Variants in SMARCA5 observed in about 807,000 individuals in gnomAD.
SMARCA5 encodes the protein SWI/SNF-related matrix-associated actin-dependent regulator of chromatin subfamily A member 5.
Under a neutral mutation model 140.4 loss-of-function variants are expected in SMARCA5, and 18 were observed. That is an observed-to-expected ratio of 0.13 (90% CI 0.09 to 0.19). The LOEUF is 0.19. Ranked by LOEUF, SMARCA5 falls within the 10% of genes least tolerant of loss-of-function variation. The pLI, the probability that SMARCA5 is intolerant of heterozygous loss-of-function variation, is 1.00. For missense variants in SMARCA5, 606 were observed against 1,276.8 expected (o/e 0.47, Z 8.01); for synonymous variants, 449 against 419.6 (o/e 1.07, Z -0.86).
At chr4:143,537,629 G>A (rs576380856) in intron 11 of SMARCA5, among the ~76,000 whole-genome samples, 39 of 152,164 alleles carry the variant, frequency 2.6e-4, no homozygotes, top group Admixed American at 2.3e-3. Context: ...AACTCTGCAG[G>A]GAAAATGGAG....
chr4:143,556,668 G>T lies in SMARCA5; in HGVS notation c.*3484G>T, dbSNP rs1194266370. 2.0e-5 allele frequency: 3 copies of T among 152,144 alleles called. No homozygotes were observed. The highest frequency in any genetic ancestry group is 7.2e-5 in the African/African-American group (3 of 41,422). 9.4% of individuals were successfully genotyped at this position (152,144 alleles called of 1,614,324 possible). A position where few individuals can be genotyped will look rare whatever the true frequency, so the allele number is the denominator to read the frequency against. On this transcript the variant is annotated 3_prime_UTR_variant, in exon 24 of 24. Coordinates refer to ENST00000283131, the MANE Select transcript of SMARCA5 (RefSeq NM_003601.4). ...CTGTTACCAAAATGTATCTTTGCCT[G>T]TTGGAATCTGATGTCAAGATCAAAG... is the stretch of plus-strand genomic sequence containing the variant.
intron 9 of SMARCA5, among the ~76,000 whole-genome samples, chr4:143,533,444 A>G (rs557435826): frequency 9.2e-5 from 14 of 151,554 alleles, no homozygotes; most frequent in Admixed American, 9.2e-4. Context: ...CTAAGTTAGT[A>G]CATTAAGTTT....
chr4:143,515,033 C>T (rs1736798739), intron 1 of SMARCA5, among the ~76,000 whole-genome samples: 1 of 152,136 alleles, frequency 6.6e-6, no homozygotes, highest in Non-Finnish European at 1.5e-5. Flanking sequence ...ATTGCTCCTT[C>T]CAATTTTTAT....
rs756259839 is a variant in SMARCA5 at position 143,517,450 on chromosome 4, TAG to T, written c.252+24_252+25del. 19 of 1,512,174 alleles carry T rather than the reference TAG, an allele frequency of 1.3e-5. 1 individual carries two copies. In the South Asian group the frequency reaches 2.3e-4, roughly 18 times the overall value. 93.7% of individuals were successfully genotyped at this position (1,512,174 alleles called of 1,614,324 possible). On this transcript the variant is annotated intron_variant, in intron 2 of 23. Transcript: ENST00000283131. ...AAATGGTATGTTCTAGGCTTGTGAA[TAG>T]AGTCTATAAGGAAAACTTTTTATCA...
chr4:143,546,078 A>G, intron 19 of SMARCA5, 31 bp downstream of exon 19: 2 of 1,534,038 alleles, frequency 1.3e-6, no homozygotes, highest in Non-Finnish European at 8.8e-7. Context: ...AAACTTTAGT[A>G]ACAGTTTGTT....
intron 9 of SMARCA5, among the ~76,000 whole-genome samples, chr4:143,532,917 G>C (rs1166968123): frequency 6.6e-6 from 1 of 152,200 alleles, no homozygotes; most frequent in African/African-American, 2.4e-5. Flanking sequence ...GGCAGTTGCT[G>C]CCGCCTGTTG....
intron 17 of SMARCA5, 58 bp downstream of exon 17, chr4:143,544,905 C>T: frequency 1.3e-6 from 1 of 789,070 alleles, no homozygotes; most frequent in Non-Finnish European, 2.1e-6. Context: ...TAATTTTTTT[C>T]ATATATTCTT....
At chr4:143,516,548 T>C (rs1578788895) in intron 1 of SMARCA5, among the ~76,000 whole-genome samples, 1 of 152,170 alleles carries the variant, frequency 6.6e-6, no homozygotes, top group Non-Finnish European at 1.5e-5. Flanking sequence ...ATGATGAACA[T>C]AGGGTCACAC....
At chr4:143,550,224 A>AATTT in intron 23 of SMARCA5, 120 bp downstream of exon 23, 4 of 271,968 alleles carry the variant, frequency 1.5e-5, no homozygotes, top group Non-Finnish European at 1.9e-5. Flanking sequence ...CATTGCCTTT[A>AATTT]CTTTTTTTTT....
At chr4:143,518,920 GT>G (rs1157264386) in intron 2 of SMARCA5, among the ~76,000 whole-genome samples, 2 of 152,002 alleles carry the variant, frequency 1.3e-5, no homozygotes, top group African/African-American at 4.8e-5. Flanking sequence ...CTTAGTTTTA[GT>G]TTCTTGATTT....
At chr4:143,522,527 GA>G (rs1438955473) in intron 3 of SMARCA5, among the ~76,000 whole-genome samples, 4 of 152,170 alleles carry the variant, frequency 2.6e-5, no homozygotes, top group African/African-American at 9.7e-5. Flanking sequence ...TCTTCATCTT[GA>G]AGGGGTTATC....
At chr4:143,529,472 T>C (rs1737139185) in intron 8 of SMARCA5, among the ~76,000 whole-genome samples, 1 of 152,202 alleles carries the variant, frequency 6.6e-6, no homozygotes, top group African/African-American at 2.4e-5. Context: ...TATATTATAG[T>C]CTAACAAACA....
In SMARCA5 at chr4:143,525,167, A is replaced by G. The variant is rs1281760095; in HGVS notation, c.521-284A>G. Among the ~76,000 whole-genome samples, 4 of 152,274 alleles carry G rather than the reference A, an allele frequency of 2.6e-5. No individual in the cohort carries two copies. In the East Asian group the frequency reaches 7.7e-4, roughly 29 times the overall value. Reference sequence around the variant, plus strand: ...TTTTTCATTAAAAAGACGAGAGGCCAAAGAGTCTCTCAGACCAGTATATGG... The same window carrying G: ...TTTTTCATTAAAAAGACGAGAGGCCGAAGAGTCTCTCAGACCAGTATATGG... On this transcript the variant is annotated intron_variant, in intron 4 of 23. Coordinates refer to ENST00000283131, the MANE Select transcript of SMARCA5 (RefSeq NM_003601.4).
chr4:143,530,371 T>C, intron 8 of SMARCA5, 87 bp from the exon 9 acceptor site: 1 of 801,760 alleles, frequency 1.2e-6, no homozygotes, highest in South Asian at 2.0e-5. Flanking sequence ...AAATTACTAA[T>C]TCTAGAAATC....
At chr4:143,523,874 G>A (rs566047765) in intron 3 of SMARCA5, among the ~76,000 whole-genome samples, 1 of 152,264 alleles carries the variant, frequency 6.6e-6, no homozygotes, top group Admixed American at 6.5e-5. Flanking sequence ...TTTTAAGGGG[G>A]TAGTATATCT....
At chr4:143,514,960 G>C (rs1360216162) in intron 1 of SMARCA5, among the ~76,000 whole-genome samples, 4 of 152,272 alleles carry the variant, frequency 2.6e-5, no homozygotes, top group Non-Finnish European at 4.4e-5. Flanking sequence ...CTGGAAAGAT[G>C]GGGGAAGCTG....
intron 19 of SMARCA5, 23 bp downstream of exon 19, chr4:143,546,070 A>T: frequency 6.5e-7 from 1 of 1,549,008 alleles, no homozygotes; most frequent in Non-Finnish European, 8.7e-7. Context: ...ATCAGTACAA[A>T]CTTTAGTAAC....
Position 143,534,879 on chromosome 4 carries a change from C to T in SMARCA5, c.1183C>T (p.Arg395Ter). The change falls in exon 10 of 24, where the codon CGA becomes TGA. Residue 395 changes from arginine to a stop codon, truncating the protein, a stop_gained. Coordinates refer to ENST00000283131, the MANE Select transcript of SMARCA5 (RefSeq NM_003601.4). LOFTEE classifies it high-confidence loss of function. ...HMVLRPFLLR[R>*]IKADVEKSLP... ...GGTTTTGCGTCCATTCCTCCTTCGT[C>T]GAATTAAGGCTGATGTTGAAAAGAG... 6.2e-7 allele frequency: 1 copy of T among 1,612,220 alleles called. No individual in the cohort carries two copies. The highest frequency in any genetic ancestry group is 8.5e-7 in the Non-Finnish European group (1 of 1,179,224).
chr4:143,545,589 T>G lies in SMARCA5; in HGVS notation c.2397+6T>G. The G allele has an allele frequency of 7.0e-7, 1 of 1,427,498 alleles. No individual in the cohort carries two copies. The highest frequency in any genetic ancestry group is 9.9e-7 in the Non-Finnish European group (1 of 1,014,268). 88.4% of individuals were successfully genotyped at this position (1,427,498 alleles called of 1,614,324 possible). A position where few individuals can be genotyped will look rare whatever the true frequency, so the allele number is the denominator to read the frequency against. On this transcript the variant is annotated splice_donor_region_variant and intron_variant, in intron 18 of 23. Coordinates refer to ENST00000283131, the MANE Select transcript of SMARCA5 (RefSeq NM_003601.4). Reference sequence around the variant, plus strand: ...GAAAAACTATTGGGTACAAGGTAATTGAAATTATCTGCCTTTCTGTTCATT... The same window carrying G: ...GAAAAACTATTGGGTACAAGGTAATGGAAATTATCTGCCTTTCTGTTCATT...
Sources: gnomAD v4.1 joint callset for allele counts (sites outside exome capture counted in the v4.1 genomes callset) on GRCh38, gnomAD v4.1.1 for gene constraint, MANE v1.5 for transcripts, NCBI Gene and HGNC (gene_info 2026-07-23, HGNC 2026-07-21) for gene names.